P2RX5: variants seen among roughly 807,000 people sequenced by gnomAD.
P2RX5 encodes purinergic receptor P2X 5.
Under a neutral mutation model 54.1 loss-of-function variants are expected in P2RX5, and 46 were observed. The observed-to-expected ratio is 0.85, with a 90% CI of 0.67 to 1.09. P2RX5 has a LOEUF of 1.09. Ranked by LOEUF, P2RX5 falls within the 50% of genes least tolerant of loss-of-function variation. The pLI is 0.00. For missense variants in P2RX5, 566 were observed against 549.8 expected, an observed-to-expected ratio of 1.03 and a Z score of -0.29; for synonymous variants, 226 against 226.4, an observed-to-expected ratio of 1.00 and a Z score of 0.02.
chr17:3,693,953 C>T (rs1272853513), intron 1 of P2RX5, among the ~76,000 whole-genome samples: 3 of 151,782 alleles, frequency 2.0e-5, no homozygotes, highest in East Asian at 3.9e-4. Context: ...TTAGTAGAGA[C>T]GGGGTTTTAC....
the P2RX5 span, among the ~76,000 whole-genome samples, chr17:3,704,546 T>G: frequency 6.6e-6 from 1 of 152,264 alleles, no homozygotes; most frequent in South Asian, 2.1e-4. Flanking sequence ...CACTCCTCTC[T>G]GTGGGAGGCA....
At chr17:3,699,892 AGGAAGGAAGGAAGGAAG>A (rs2050805161), upstream of P2RX5, among the ~76,000 whole-genome samples, 6 of 33,108 alleles carry the variant, frequency 1.8e-4, no homozygotes, top group East Asian at 3.6e-3. Context: ...GAAGGAAGGA[AGGAAGGAAGGAAGGAAG>A]GAAGGAAGGA....
chr17:3,723,023 A>G, the P2RX5 span, among the ~76,000 whole-genome samples: 1 of 152,204 alleles, frequency 6.6e-6, no homozygotes, highest in Non-Finnish European at 1.5e-5. Flanking sequence ...TTGGCCCTGA[A>G]ATGGCAGGGC....
chr17:3,698,672 T>C (rs2050796024), upstream of P2RX5, among the ~76,000 whole-genome samples: 1 of 152,170 alleles, frequency 6.6e-6, no homozygotes, highest in African/African-American at 2.4e-5. Context: ...CTGCTCTGAC[T>C]TCCCCTCCAG....
chr17:3,699,052 G>GAC (rs71379596), upstream of P2RX5, among the ~76,000 whole-genome samples: 949 of 40,856 alleles, frequency 0.023, 15 homozygotes, highest in African/African-American at 0.042. Context: ...TATATAGACA[G>GAC]ACACACACAC....
chr17:3,716,777 C>T, the P2RX5 span: 1 of 1,602,578 alleles, frequency 6.2e-7, no homozygotes, highest in Non-Finnish European at 8.6e-7. Flanking sequence ...TACTTCTCAT[C>T]TTTCAGGAAG....
chr17:3,710,152 C>T, the P2RX5 span, among the ~76,000 whole-genome samples: 2 of 151,068 alleles, frequency 1.3e-5, no homozygotes, highest in East Asian at 2.0e-4. Flanking sequence ...GGAGGCCGGG[C>T]GTGGCGGCTC....
intron 9 of P2RX5, 88 bp from the exon 10 acceptor site, chr17:3,682,066 G>A: frequency 1.2e-6 from 1 of 866,340 alleles, no homozygotes; most frequent in Non-Finnish European, 1.9e-6. Flanking sequence ...TCCTGCAACA[G>A]CCCCTAAAGG....
the P2RX5 span, among the ~76,000 whole-genome samples, chr17:3,722,790 TTTTG>T: frequency 3.9e-5 from 6 of 152,102 alleles, no homozygotes; most frequent in East Asian, 1.9e-4. Context: ...CAAGCATCAG[TTTTG>T]TTTGTTTGTT....
chr17:3,701,491 G>A, the P2RX5 span, among the ~76,000 whole-genome samples: 486 of 152,124 alleles, frequency 3.2e-3, 6 homozygotes, highest in African/African-American at 0.011. Context: ...TCAGGAGTTC[G>A]AGACCAGCCT....
chr17:3,722,288 C>T, the P2RX5 span: 60,104 of 151,604 alleles, frequency 0.4, 13,844 homozygotes, highest in South Asian at 0.62. Context: ...CGAGACCAGC[C>T]TGGCCAACAT....
the P2RX5 span, among the ~76,000 whole-genome samples, chr17:3,706,106 C>T: frequency 1.3e-5 from 2 of 152,062 alleles, no homozygotes; most frequent in African/African-American, 4.8e-5. Flanking sequence ...AGGCGCGCAC[C>T]ACCACGCCTG....
intron 11 of P2RX5, chr17:3,678,069 G>A (rs1035455543): frequency 3.7e-5 from 36 of 985,306 alleles, no homozygotes; most frequent in Non-Finnish European, 4.3e-5. Flanking sequence ...GTAGCCAGCA[G>A]CCCTGGCTAC....
chr17:3,695,915 G>T lies in P2RX5; in HGVS notation c.91C>A (p.Leu31Met). ...GAGGCCTGCAGCAGCCGGTACAGCA[G>T]GCCCACCTTCTTGTTCTTGGCGATG... ...YVIAKNKKVGLLYRLLQASIL... is the reference protein window; with the variant it reads ...YVIAKNKKVGMLYRLLQASIL... Residue 31 changes from leucine (L) to methionine (M), a missense_variant, in exon 1 of 12, where the codon CTG (leucine) becomes ATG (methionine). Coordinates refer to ENST00000225328, the MANE Select transcript of P2RX5 (RefSeq NM_002561.4). 6.2e-7 allele frequency: 1 copy of T among 1,614,046 alleles called. No individual in the cohort carries two copies.
chr17:3,714,082 C>G, the P2RX5 span, among the ~76,000 whole-genome samples: 3 of 151,570 alleles, frequency 2.0e-5, no homozygotes, highest in African/African-American at 7.3e-5. Context: ...CACCTGCCAC[C>G]GCACCCGGCT....
chr17:3,698,155 C>A (rs3760477), upstream of P2RX5, among the ~76,000 whole-genome samples: 23,493 of 152,020 alleles, frequency 0.15, 2,287 homozygotes, highest in Non-Finnish European at 0.22. Flanking sequence ...CCTCCTCAGC[C>A]CCCTGCTAAC....
At chr17:3,714,088 C>T in the P2RX5 span, among the ~76,000 whole-genome samples, 22,358 of 151,272 alleles carry the variant, frequency 0.15, 5,173 homozygotes, top group African/African-American at 0.5. Flanking sequence ...CCACCGCACC[C>T]GGCTAATTTT....
Position 3,689,129 on chromosome 17 carries a change from G to A in P2RX5, c.753+363C>T, listed in dbSNP as rs916323196. On this transcript the variant is annotated intron_variant, in intron 7 of 11. Coordinates refer to ENST00000225328, the MANE Select transcript of P2RX5 (RefSeq NM_002561.4). The stretch of plus-strand genomic sequence containing the variant: ...CAGGTCTGGCTCTCACTGACTGCCC[G>A]TGGTCTGAGCGCTGCCACAGCCTGC... Among the ~76,000 whole-genome samples the A allele has an allele frequency of 7.2e-5, 11 of 152,254 alleles. No individual in the cohort carries two copies. The East Asian group carries it at 7.7e-4, about 11-fold the overall frequency.
intron 11 of P2RX5, chr17:3,678,136 C>T (rs905206709): frequency 1.0e-6 from 1 of 984,926 alleles, no homozygotes; most frequent in Non-Finnish European, 1.2e-6. Flanking sequence ...AATGGCCAGA[C>T]CTGTGTGTGG....
Sources: gnomAD v4.1 joint callset for allele counts (sites outside exome capture counted in the v4.1 genomes callset) on GRCh38, gnomAD v4.1.1 for gene constraint, MANE v1.5 for transcripts, NCBI Gene and HGNC (gene_info 2026-07-23, HGNC 2026-07-21) for gene names.